Variants in ZNF804A observed in about 807,000 individuals in gnomAD.
ZNF804A encodes the protein zinc finger protein 804A.
Under a neutral mutation model 16.5 loss-of-function variants are expected in ZNF804A, and 2 were observed. That is an observed-to-expected ratio of 0.12 (90% CI 0.05 to 0.38). ZNF804A has a LOEUF of 0.38. ZNF804A is among the 10% of genes least tolerant of loss of function. The pLI, the probability that ZNF804A is intolerant of heterozygous loss-of-function variation, is 0.99. For missense variants in ZNF804A, 1,473 were observed against 1,390.7 expected (o/e 1.06, Z -0.94); for synonymous variants, 534 against 489.6 (o/e 1.09, Z -1.20).
chr2:184,868,292 C>T (rs1276310978), intron 2 of ZNF804A, among the ~76,000 whole-genome samples: 1 of 151,980 alleles, frequency 6.6e-6, no homozygotes, highest in African/African-American at 2.4e-5. Flanking sequence ...TTATGCCTTC[C>T]CCGTAAGATA....
intron 1 of ZNF804A, among the ~76,000 whole-genome samples, chr2:184,726,178 T>C (rs1693406666): frequency 6.6e-6 from 1 of 151,696 alleles, no homozygotes; most frequent in Admixed American, 6.6e-5. Context: ...GATTGTATGC[T>C]ATGCGTATTT....
intron 1 of ZNF804A, among the ~76,000 whole-genome samples, chr2:184,783,670 T>A (rs1330864297): frequency 6.6e-6 from 1 of 151,910 alleles, no homozygotes; most frequent in Non-Finnish European, 1.5e-5. Context: ...GTTTCTCCTG[T>A]AAGCCTACAA....
At chr2:184,632,336 T>A (rs1691626001) in intron 1 of ZNF804A, among the ~76,000 whole-genome samples, 1 of 152,226 alleles carries the variant, frequency 6.6e-6, no homozygotes, top group Non-Finnish European at 1.5e-5. Context: ...TCACCTTTAA[T>A]GCGTACTTTG....
At chr2:184,872,167 C>A (rs1695984732) in intron 2 of ZNF804A, among the ~76,000 whole-genome samples, 1 of 152,020 alleles carries the variant, frequency 6.6e-6, no homozygotes, top group African/African-American at 2.4e-5. Context: ...ATATGAAAAT[C>A]TATTTTAAAC....
intron 1 of ZNF804A, among the ~76,000 whole-genome samples, chr2:184,653,161 T>C (rs1039164163): frequency 6.6e-6 from 1 of 152,214 alleles, no homozygotes; most frequent in Non-Finnish European, 1.5e-5. Flanking sequence ...CATTAAGGTA[T>C]GAATCAATAC....
chr2:184,794,009 G>T (rs546127671), intron 1 of ZNF804A, among the ~76,000 whole-genome samples: 1 of 152,066 alleles, frequency 6.6e-6, no homozygotes, highest in Admixed American at 6.5e-5. Flanking sequence ...TTTTGCTATT[G>T]TGAATTGTGC....
At chr2:184,713,641 T>C (rs750319256) in intron 1 of ZNF804A, among the ~76,000 whole-genome samples, 6 of 151,992 alleles carry the variant, frequency 3.9e-5, no homozygotes, top group African/African-American at 7.2e-5. Flanking sequence ...TTTTGGAGAA[T>C]ATTTTAAGAC....
At chr2:184,888,342 C>A (rs1183483117) in intron 2 of ZNF804A, among the ~76,000 whole-genome samples, 5 of 152,126 alleles carry the variant, frequency 3.3e-5, no homozygotes, top group Non-Finnish European at 7.4e-5. Flanking sequence ...CATTTCCATT[C>A]TCTTCCTAGG....
chr2:184,627,293 T>C (rs1047349861), intron 1 of ZNF804A, among the ~76,000 whole-genome samples: 3 of 152,122 alleles, frequency 2.0e-5, no homozygotes, highest in Non-Finnish European at 2.9e-5. Context: ...CAAAATTTCA[T>C]GTTTGTGTTT....
intron 3 of ZNF804A, among the ~76,000 whole-genome samples, chr2:184,934,463 A>C (rs1420242072): frequency 6.6e-6 from 1 of 152,102 alleles, no homozygotes; most frequent in Non-Finnish European, 1.5e-5. Flanking sequence ...ATGTTATGGG[A>C]TACGTTGACA....
chr2:184,652,237 G>C (rs1016379378), intron 1 of ZNF804A, among the ~76,000 whole-genome samples: 1 of 151,976 alleles, frequency 6.6e-6, no homozygotes, highest in Non-Finnish European at 1.5e-5. Flanking sequence ...GCTAAATATT[G>C]GGTACTCATG....
chr2:184,812,775 C>A (rs1471376238), intron 1 of ZNF804A, among the ~76,000 whole-genome samples: 1 of 152,088 alleles, frequency 6.6e-6, no homozygotes, highest in Non-Finnish European at 1.5e-5. Flanking sequence ...GTTGCCCTGA[C>A]TGTATTTGGA....
At chr2:184,700,741 T>C (rs1692906623) in intron 1 of ZNF804A, among the ~76,000 whole-genome samples, 1 of 152,082 alleles carries the variant, frequency 6.6e-6, no homozygotes, top group African/African-American at 2.4e-5. Flanking sequence ...TCTCATTTGA[T>C]AGAGGCCATT....
chr2:184,795,572 C>G (rs1242489672), intron 1 of ZNF804A, among the ~76,000 whole-genome samples: 1 of 151,844 alleles, frequency 6.6e-6, no homozygotes, highest in East Asian at 1.9e-4. Context: ...TAACCAGGAT[C>G]AGAGTAGAAA....
chr2:184,698,399 G>A (rs544319561), intron 1 of ZNF804A, among the ~76,000 whole-genome samples: 1 of 152,218 alleles, frequency 6.6e-6, no homozygotes, highest in East Asian at 1.9e-4. Context: ...AGAAAGGAAT[G>A]TGCCACTACT....
intron 1 of ZNF804A, among the ~76,000 whole-genome samples, chr2:184,757,651 GT>G (rs1311966041): frequency 6.6e-6 from 1 of 151,912 alleles, no homozygotes; most frequent in Non-Finnish European, 1.5e-5. Context: ...TGTCATTATA[GT>G]TTGAAGAGTA....
chr2:184,795,350 A>T (rs1384500707), intron 1 of ZNF804A, among the ~76,000 whole-genome samples: 1 of 152,168 alleles, frequency 6.6e-6, no homozygotes, highest in Non-Finnish European at 1.5e-5. Flanking sequence ...CAAGGTGGAA[A>T]TTAAAAATTT....
At chr2:184,807,097 A>G (rs1274830726) in intron 1 of ZNF804A, among the ~76,000 whole-genome samples, 1 of 136,038 alleles carries the variant, frequency 7.4e-6, no homozygotes, top group African/African-American at 2.5e-5. Flanking sequence ...GAATATTTTG[A>G]AAAAAAAACT....
At chr2:184,766,102 A>G (rs1484975271) in intron 1 of ZNF804A, among the ~76,000 whole-genome samples, 6 of 152,306 alleles carry the variant, frequency 3.9e-5, no homozygotes, top group Non-Finnish European at 5.9e-5. Context: ...GATGTACAAT[A>G]TATCAGTTAA....
Sources: gnomAD v4.1 joint callset for allele counts (sites outside exome capture counted in the v4.1 genomes callset) on GRCh38, gnomAD v4.1.1 for gene constraint, MANE v1.5 for transcripts, NCBI Gene and HGNC (gene_info 2026-07-23, HGNC 2026-07-21) for gene names.